HERC2: variants seen among roughly 807,000 people sequenced by gnomAD.
HERC2 encodes E3 ubiquitin-protein ligase HERC2.
In HERC2, 102 loss-of-function variants were observed where a neutral mutation model predicts 537.7. The ratio of observed to expected loss-of-function variants is 0.19; its 90% CI spans 0.16 to 0.22. The LOEUF (loss-of-function observed/expected upper bound fraction) is 0.22. Among genes scored for constraint, HERC2 ranks in the 10% least tolerant of loss-of-function variants. HERC2 has a pLI of 1.00. For synonymous variants in HERC2, 2,224 were observed against 2,466.2 expected (o/e 0.90, Z 2.91); for missense variants, 4,236 against 6,198.2 (o/e 0.68, Z 10.63).
chr15:28,303,447 G>T (rs1344013722), intron 2 of HERC2, among the ~76,000 whole-genome samples: 1 of 152,130 alleles, frequency 6.6e-6, no homozygotes, highest in Non-Finnish European at 1.5e-5. Context: ...AAAAAGACCA[G>T]GAAGTGACTG....
chr15:28,317,844 C>G (rs1418113846), intron 2 of HERC2, among the ~76,000 whole-genome samples: 1 of 152,170 alleles, frequency 6.6e-6, no homozygotes, highest in African/African-American at 2.4e-5. Flanking sequence ...GGGCAGTATG[C>G]GCAAATATAC....
chr15:28,170,862 A>T (rs1302877573), intron 65 of HERC2, among the ~76,000 whole-genome samples: 1 of 152,166 alleles, frequency 6.6e-6, no homozygotes, highest in Non-Finnish European at 1.5e-5. Context: ...CAAAGAGGAG[A>T]TATGGACAGT....
chr15:28,116,781 G>A lies in HERC2; in HGVS notation c.13493C>T (p.Thr4498Met), dbSNP rs760127691. The A allele has an allele frequency of 1.2e-6, 2 of 1,613,826 alleles. No individual in the cohort carries two copies. The highest frequency in any genetic ancestry group is 8.5e-7 in the Non-Finnish European group (1 of 1,179,944). Reference protein sequence around the residue: ...EICEELQNGLTPLLIVTPNGR... With the variant: ...EICEELQNGLMPLLIVTPNGR... ...GTTGGGTGTCACGATCAGCAGGGGCGTGAGTCCGTTCTGCAGCTCCTCACA... is the reference window on the plus strand; with the variant it reads ...GTTGGGTGTCACGATCAGCAGGGGCATGAGTCCGTTCTGCAGCTCCTCACA... The change falls in exon 88 of 93, where the codon ACG becomes ATG. Residue 4498 changes from threonine to methionine, a missense_variant. Physicochemically the swap from Thr to Met is moderately conservative, Grantham distance 81. Transcript: ENST00000261609.
intron 16 of HERC2, 63 bp from the exon 17 acceptor site, chr15:28,257,324 G>C (rs1283857437): frequency 4.9e-6 from 7 of 1,421,924 alleles, no homozygotes; most frequent in Non-Finnish European, 2.0e-6. Flanking sequence ...TGCTCCACAG[G>C]AGTCACCAGC....
At chr15:28,270,507 C>A (rs1032871464) in intron 10 of HERC2, among the ~76,000 whole-genome samples, 188 bp downstream of exon 10, 3 of 152,028 alleles carry the variant, frequency 2.0e-5, no homozygotes, top group Non-Finnish European at 4.4e-5. Flanking sequence ...CAGGCCTGTG[C>A]GCCTCAGCTT....
chr15:28,150,325 A>C (rs1206183237), intron 70 of HERC2, among the ~76,000 whole-genome samples: 1 of 151,764 alleles, frequency 6.6e-6, no homozygotes, highest in African/African-American at 2.4e-5. Context: ...TAGTAAAATT[A>C]CTGAAAAAAC....
Position 28,229,279 on chromosome 15 carries a change from C to T in HERC2, c.5188G>A (p.Val1730Ile), listed in dbSNP as rs1216593949. 6.2e-7 allele frequency: 1 copy of T among 1,613,564 alleles called. No individual in the cohort carries two copies. Among genetic ancestry groups the T allele is most frequent in the Non-Finnish European group, 8.5e-7 (1 of 1,179,480 alleles). The stretch of plus-strand genomic sequence containing the variant: ...CAAGCGTACAGCTTGCCAAAGGTGA[C>T]TTCCAGCAGCATCCGATTAAAAGGC... ...IPPFNRMLLE[V>I]TFGKLYAWAV... is the part of the protein sequence containing the mutation. Residue 1730 changes from valine (V) to isoleucine (I), a missense_variant, in exon 34 of 93, where the codon GTC becomes ATC. Physicochemically the swap from Val to Ile is conservative, Grantham distance 29. Coordinates refer to ENST00000261609, the MANE Select transcript of HERC2 (RefSeq NM_004667.6).
In HERC2 at chr15:28,169,600, A is replaced by C. The variant is rs1325604344; in HGVS notation, c.10113T>G (p.Ser3371Arg). ...GAGAAGGGCGATTTGGCTTAGAATTACTTGCACCACTTATTTTATTACTGG... is the reference window on the plus strand; with the variant it reads ...GAGAAGGGCGATTTGGCTTAGAATTCCTTGCACCACTTATTTTATTACTGG... ...SAASNKISGA[S>R]NSKPNRPSLA... The change falls in exon 66 of 93, where the codon AGT (serine) becomes AGG (arginine). Residue 3371 changes from serine (S) to arginine (R), a missense_variant. Transcript: ENST00000261609. 1.2e-6 allele frequency: 2 copies of C among 1,614,028 alleles called. No individual in the cohort carries two copies. The highest frequency in any genetic ancestry group is 1.7e-6 in the Non-Finnish European group (2 of 1,179,996).
At chr15:28,199,902 T>C (rs1305300236) in intron 48 of HERC2, among the ~76,000 whole-genome samples, 1 of 152,166 alleles carries the variant, frequency 6.6e-6, no homozygotes, top group African/African-American at 2.4e-5. Flanking sequence ...GGACATGGTT[T>C]CAGCTACAAA....
chr15:28,237,528 G>C (rs916677065), intron 25 of HERC2, among the ~76,000 whole-genome samples: 1 of 152,214 alleles, frequency 6.6e-6, no homozygotes, highest in African/African-American at 2.4e-5. Context: ...CACACATGTA[G>C]AGGAAATGAA....
Position 28,144,801 on chromosome 15 carries a change from C to T in HERC2, c.11012G>A (p.Arg3671Gln). The T allele has an allele frequency of 4.3e-6, 7 of 1,614,178 alleles. No homozygotes were observed. Among genetic ancestry groups the T allele is most frequent in the Non-Finnish European group, 5.9e-6 (7 of 1,180,038 alleles). The change falls in exon 72 of 93, where the codon CGA (arginine) becomes CAA (glutamine). Residue 3671 changes from arginine to glutamine, a missense_variant. By Grantham distance (43) the Arg-to-Gln change is conservative. Around this residue, in one of 27 missense-constraint regions of HERC2, gnomAD observed 356 missense variants for 450.9 expected, o/e 0.79. Transcript: ENST00000261609. ...VNRIVSVRSG[R>Q]EWSDWSSELR... ...CTCGCTGGACCAGTCGGACCACTCT[C>T]GGCCTGCGGGAGGAAAGCGCACCCC...
At chr15:28,279,615 C>CCA (rs58447102) in intron 5 of HERC2, among the ~76,000 whole-genome samples, 7,432 of 141,602 alleles carry the variant, frequency 0.052, 208 homozygotes, top group African/African-American at 0.075. Context: ...GACCCCATCT[C>CCA]CACACACACA....
At chr15:28,201,073 G>A (rs1006610206) in intron 48 of HERC2, among the ~76,000 whole-genome samples, 15 of 148,042 alleles carry the variant, frequency 1.0e-4, no homozygotes, top group Admixed American at 4.8e-4. Context: ...TGTGCTCTCC[G>A]GCTGCCCCTG....
intron 30 of HERC2, among the ~76,000 whole-genome samples, chr15:28,231,557 CAT>C (rs772179522): frequency 4.0e-4 from 61 of 152,332 alleles, no homozygotes; most frequent in Non-Finnish European, 6.3e-4. Flanking sequence ...ATTCTTCACA[CAT>C]GATATGACAC....
At chr15:28,309,833 C>T (rs1332074249) in intron 2 of HERC2, among the ~76,000 whole-genome samples, 2 of 152,128 alleles carry the variant, frequency 1.3e-5, no homozygotes, top group African/African-American at 2.4e-5. Context: ...TGTTCTGTAG[C>T]GACAGAAACC....
At chr15:28,255,579 C>A (rs2140891661) in intron 19 of HERC2, among the ~76,000 whole-genome samples, 1 of 152,246 alleles carries the variant, frequency 6.6e-6, no homozygotes, top group East Asian at 1.9e-4. Context: ...AGGGGAGTAT[C>A]CTGGCTGCAA....
chr15:28,187,491 C>T (rs1896424338), intron 55 of HERC2, among the ~76,000 whole-genome samples: 1 of 151,934 alleles, frequency 6.6e-6, no homozygotes, highest in Non-Finnish European at 1.5e-5. Context: ...GCCACCACAC[C>T]CGGCTAATTT....
At chr15:28,137,912 G>A (rs1890813236) in intron 78 of HERC2, among the ~76,000 whole-genome samples, 1 of 152,244 alleles carries the variant, frequency 6.6e-6, no homozygotes, top group South Asian at 2.1e-4. Context: ...AGTTCTTGAA[G>A]CACAATTAAG....
rs148357712 is a variant in HERC2 at position 28,208,974 on chromosome 15, A to T, written c.7069+2028T>A. Among the ~76,000 whole-genome samples, 284 of 152,324 alleles carry T rather than the reference A, an allele frequency of 1.9e-3. 3 individuals are homozygous for T. Among genetic ancestry groups the T allele is most frequent in the Admixed American group, 0.016 (241 of 15,296 alleles). ...ACTTAGCATAATGTCTTTCAATAGC[A>T]GGAGATCAAAAAATGTTTTTTTCTA... On this transcript the variant is annotated intron_variant, in intron 44 of 92. Transcript: ENST00000261609.
Sources: gnomAD v4.1 joint callset for allele counts (sites outside exome capture counted in the v4.1 genomes callset) on GRCh38, gnomAD v4.1.1 for gene constraint, gnomAD v4.1.1 regional missense constraint, MANE v1.5 for transcripts, NCBI Gene and HGNC (gene_info 2026-07-23, HGNC 2026-07-21) for gene names.